The following RYK variants were observed in gnomAD, a reference collection of about 807,000 sequenced individuals.
The protein encoded by RYK is inactive tyrosine-protein kinase RYK.
RYK carries 21 observed loss-of-function variants against 70.2 expected under a neutral mutation model. The observed-to-expected ratio is 0.30, with a 90% CI of 0.21 to 0.43. The LOEUF is 0.43. Among genes scored for constraint, RYK ranks in the 20% least tolerant of loss-of-function variants. The pLI, the probability that RYK is intolerant of heterozygous loss-of-function variation, is 1.00. For synonymous variants in RYK, 267 were observed against 278.0 expected (o/e 0.96, Z 0.39); for missense variants, 604 against 753.3 (o/e 0.80, Z 2.32).
intron 2 of RYK, among the ~76,000 whole-genome samples, chr3:134,220,575 TCTC>T (rs2014702887): frequency 1.3e-5 from 2 of 152,186 alleles, no homozygotes; most frequent in Admixed American, 1.3e-4. Flanking sequence ...CCACTTGACT[TCTC>T]AGCAGTAATT....
rs544480019 is a variant in RYK at position 134,183,649 on chromosome 3, A to G, written c.1103-578T>C. 3.3e-5 allele frequency among the ~76,000 whole-genome samples: 5 copies of G among 152,356 alleles called. No individual in the cohort carries two copies. In the South Asian group the frequency reaches 1.0e-3, roughly 32 times the overall value. On this transcript the variant is annotated intron_variant, in intron 9 of 14. Transcript: ENST00000623711. ...ATAGATGGAGAAAGCAACATGTAAC[A>G]AAATTTTGAAATGCAGATATACCTT...
At chr3:134,202,546 T>C (rs974304795) in intron 6 of RYK, 184 bp downstream of exon 6, 11 of 525,784 alleles carry the variant, frequency 2.1e-5, no homozygotes, top group African/African-American at 4.0e-5. Flanking sequence ...TCTTAATTTT[T>C]AAAAAATAAA....
At chr3:134,160,664 T>C (rs945342041) in intron 13 of RYK, among the ~76,000 whole-genome samples, 5 of 152,172 alleles carry the variant, frequency 3.3e-5, no homozygotes, top group Non-Finnish European at 5.9e-5. Context: ...AGATCAGCCA[T>C]GACCAACATA....
chr3:134,160,005 C>T (rs2012401652), intron 13 of RYK, among the ~76,000 whole-genome samples: 1 of 152,118 alleles, frequency 6.6e-6, no homozygotes, highest in Non-Finnish European at 1.5e-5. Context: ...TCCTGGAGAG[C>T]GTGCAGGGGG....
intron 13 of RYK, among the ~76,000 whole-genome samples, chr3:134,172,636 T>C (rs1375299376): frequency 1.3e-5 from 2 of 152,172 alleles, no homozygotes; most frequent in Non-Finnish European, 2.9e-5. Context: ...AAATGTAACC[T>C]TTCTCTCCCT....
At chr3:134,180,113 A>G (rs1376526622) in intron 10 of RYK, 1 of 152,116 alleles carries the variant, frequency 6.6e-6, no homozygotes, top group Non-Finnish European at 1.5e-5. Context: ...ACTGCCTCTA[A>G]TTCTCAGTCT....
At chr3:134,171,320 G>A (rs2012898908) in intron 13 of RYK, among the ~76,000 whole-genome samples, 1 of 152,114 alleles carries the variant, frequency 6.6e-6, no homozygotes, top group South Asian at 2.1e-4. Flanking sequence ...GAAATGTTCT[G>A]CCTAACCAAA....
chr3:134,198,978 A>G (rs781100876), intron 6 of RYK, among the ~76,000 whole-genome samples: 2 of 152,202 alleles, frequency 1.3e-5, no homozygotes, highest in African/African-American at 2.4e-5. Flanking sequence ...ACAAAGGAGT[A>G]ATAAACTTTC....
chr3:134,188,317 C>T (rs12491300), intron 9 of RYK, among the ~76,000 whole-genome samples: 12,903 of 151,842 alleles, frequency 0.085, 1,139 homozygotes, highest in South Asian at 0.32. Flanking sequence ...TGAGCCACCA[C>T]GCCTGGCTAA....
chr3:134,230,259 G>C (rs1428309864), intron 1 of RYK, among the ~76,000 whole-genome samples: 2 of 152,136 alleles, frequency 1.3e-5, no homozygotes, highest in African/African-American at 4.8e-5. Flanking sequence ...GCTAATTTTT[G>C]TATTTTTAGT....
intron 6 of RYK, among the ~76,000 whole-genome samples, chr3:134,200,317 T>C (rs979261322): frequency 1.3e-5 from 2 of 152,010 alleles, no homozygotes; most frequent in Non-Finnish European, 2.9e-5. Flanking sequence ...AACGAACCAC[T>C]CCGGATGCAC....
intron 1 of RYK, among the ~76,000 whole-genome samples, chr3:134,240,029 G>A (rs1333294018): frequency 1.3e-5 from 2 of 152,122 alleles, no homozygotes; most frequent in African/African-American, 4.8e-5. Context: ...GATAAGAGTG[G>A]ATCCAGGTCG....
chr3:134,231,095 C>T (rs2015046564), intron 1 of RYK, among the ~76,000 whole-genome samples: 1 of 151,480 alleles, frequency 6.6e-6, no homozygotes, highest in Non-Finnish European at 1.5e-5. Flanking sequence ...AGTAAGTTTT[C>T]CAGACACAGT....
rs893014349 is a variant in RYK, at chr3:134,157,962, A to G, written c.*191T>C. The G allele has an allele frequency of 3.1e-5, 12 of 393,002 alleles. No individual in the cohort carries two copies. Among genetic ancestry groups the G allele is most frequent in the Admixed American group, 2.7e-4 (6 of 22,524 alleles). The allele number at this position is 393,002 out of a possible 1,614,324, so 24.3% of individuals were successfully genotyped here. On this transcript the variant is annotated 3_prime_UTR_variant, in exon 15 of 15. Transcript: ENST00000623711. The stretch of plus-strand genomic sequence containing the variant: ...CTTTCAGTTCAACCTAATAAAAGTG[A>G]TATCTAGAAAATATGCCACATTATT...
At chr3:134,217,895 T>G (rs2014610074) in intron 2 of RYK, among the ~76,000 whole-genome samples, 2 of 152,234 alleles carry the variant, frequency 1.3e-5, no homozygotes, top group African/African-American at 4.8e-5. Flanking sequence ...CGTAATCAAC[T>G]GTGCTAAAAT....
chr3:134,226,542 G>A (rs2014915958), intron 1 of RYK, among the ~76,000 whole-genome samples: 1 of 151,952 alleles, frequency 6.6e-6, no homozygotes, highest in East Asian at 1.9e-4. Context: ...AAAACATAAT[G>A]AGAAAAGAAA....
At position 134,250,495 on chromosome 3, in the gene RYK, CCGGGGGCCGCGGGG is replaced by C; in HGVS notation, c.146_159del (p.Ala49GlyfsTer27). On this transcript the variant is annotated frameshift_variant, in exon 1 of 15. Coordinates refer to ENST00000623711, the MANE Select transcript of RYK (RefSeq NM_002958.4). LOFTEE classifies it high-confidence loss of function. Reference sequence around the variant, plus strand: ...GGCCCCGCGGAAGCCGACTGCAGCTCCGGGGGCCGCGGGGCGGGGGCGGCGGCAGCGCCAGGCGC... The same window carrying C: ...GGCCCCGCGGAAGCCGACTGCAGCTCCGGGGGCGGCGGCAGCGCCAGGCGC... 1 of 1,286,882 alleles carries C rather than the reference CCGGGGGCCGCGGGG, an allele frequency of 7.8e-7. No homozygotes were observed. Among genetic ancestry groups the C allele is most frequent in the Non-Finnish European group, 9.8e-7 (1 of 1,016,664 alleles). The allele number at this position is 1,286,882 out of a possible 1,614,324, so 79.7% of individuals were successfully genotyped here.
chr3:134,239,663 T>C (rs1298808677), intron 1 of RYK, among the ~76,000 whole-genome samples: 5 of 152,214 alleles, frequency 3.3e-5, no homozygotes, highest in Non-Finnish European at 7.3e-5. Context: ...GTTTACTCAT[T>C]TGTTCCACTT....
chr3:134,189,634 G>A (rs1480324425), intron 8 of RYK, among the ~76,000 whole-genome samples: 5 of 151,006 alleles, frequency 3.3e-5, no homozygotes, highest in Admixed American at 6.6e-5. Flanking sequence ...TTAGCCGGGC[G>A]TGGGAGGCTG....
Sources: allele counts gnomAD v4.1 joint callset (sites outside exome capture counted in the v4.1 genomes callset), GRCh38; gene constraint gnomAD v4.1.1; transcripts MANE v1.5; gene names NCBI Gene and HGNC (gene_info 2026-07-23, HGNC 2026-07-21).